Variants in ITPR2 observed in about 807,000 individuals in gnomAD.
ITPR2 encodes inositol 1,4,5-trisphosphate receptor type 2.
ITPR2 carries 207 observed loss-of-function variants against 317.1 expected under a neutral mutation model. The observed-to-expected ratio is 0.65, with a 90% CI of 0.58 to 0.73. The LOEUF (loss-of-function observed/expected upper bound fraction) is 0.73, where lower values mean the gene tolerates loss of function less well. Among genes scored for constraint, ITPR2 ranks in the 30% least tolerant of loss-of-function variants. ITPR2 has a pLI of 0.00. For synonymous variants in ITPR2, 1,156 were observed against 1,149.1 expected (o/e 1.01, Z -0.12); for missense variants, 2,613 against 3,284.0 (o/e 0.80, Z 4.99).
intron 45 of ITPR2, among the ~76,000 whole-genome samples, chr12:26,468,301 A>T (rs1942218720): frequency 6.6e-6 from 1 of 152,180 alleles, no homozygotes; most frequent in African/African-American, 2.4e-5. Flanking sequence ...GCAAGAAAGA[A>T]GATATTATAG....
At chr12:26,782,407 A>T (rs963940951) in intron 2 of ITPR2, among the ~76,000 whole-genome samples, 1 of 152,006 alleles carries the variant, frequency 6.6e-6, no homozygotes, top group African/African-American at 2.4e-5. Flanking sequence ...AAAAAAAAAA[A>T]GTAAGACTAG....
intron 51 of ITPR2, among the ~76,000 whole-genome samples, chr12:26,412,831 G>A (rs753104011): frequency 6.6e-6 from 1 of 152,140 alleles, no homozygotes; most frequent in Non-Finnish European, 1.5e-5. Flanking sequence ...ACCAGTCAGA[G>A]TGACCAGAGC....
intron 1 of ITPR2, among the ~76,000 whole-genome samples, chr12:26,790,721 A>G (rs1950328207): frequency 6.6e-6 from 1 of 151,916 alleles, no homozygotes; most frequent in Admixed American, 6.6e-5. Context: ...CCCGGTGTGT[A>G]TGTATGTTTT....
At chr12:26,780,900 T>C (rs1017875706) in intron 2 of ITPR2, among the ~76,000 whole-genome samples, 14 of 152,180 alleles carry the variant, frequency 9.2e-5, no homozygotes, top group African/African-American at 3.1e-4. Flanking sequence ...GAAGTTAAGA[T>C]TGCCACCTGG....
chr12:26,386,347 A>G (rs1380372159), intron 55 of ITPR2, among the ~76,000 whole-genome samples: 1 of 152,246 alleles, frequency 6.6e-6, no homozygotes, highest in Non-Finnish European at 1.5e-5. Context: ...GCAAGTCATT[A>G]ATAACAAAGC....
chr12:26,671,444 A>T (rs1290266277), intron 13 of ITPR2, among the ~76,000 whole-genome samples: 1 of 152,138 alleles, frequency 6.6e-6, no homozygotes, highest in Non-Finnish European at 1.5e-5. Flanking sequence ...ATATCCAGCC[A>T]AACTAAGCTT....
chr12:26,624,438 G>C, intron 23 of ITPR2, 82 bp from the exon 24 acceptor site: 1 of 975,334 alleles, frequency 1.0e-6, no homozygotes, highest in Non-Finnish European at 1.6e-6. Context: ...CAATTGATGT[G>C]AAAATATTTT....
intron 4 of ITPR2, among the ~76,000 whole-genome samples, chr12:26,723,503 A>C (rs1386125990): frequency 6.6e-6 from 1 of 152,152 alleles, no homozygotes; most frequent in Non-Finnish European, 1.5e-5. Flanking sequence ...AAACTTGGTT[A>C]AGAGAAACTC....
intron 11 of ITPR2, 54 bp downstream of exon 11, chr12:26,686,427 C>A: frequency 1.7e-6 from 2 of 1,166,792 alleles, no homozygotes; most frequent in South Asian, 1.8e-5. Flanking sequence ...TTTCATTCCT[C>A]ACCTACTGGT....
chr12:26,369,354 T>C (rs899167149), intron 55 of ITPR2, among the ~76,000 whole-genome samples: 1 of 152,204 alleles, frequency 6.6e-6, no homozygotes, highest in Admixed American at 6.5e-5. Flanking sequence ...AAAGACCAGT[T>C]TAGTGGCACC....
At chr12:26,772,597 T>G (rs930510603) in intron 2 of ITPR2, among the ~76,000 whole-genome samples, 4 of 145,800 alleles carry the variant, frequency 2.7e-5, no homozygotes, top group African/African-American at 1.0e-4. Flanking sequence ...CTTCATTAGA[T>G]TATAAATTCC....
chr12:26,772,731 CTTT>C (rs919205690), intron 2 of ITPR2, among the ~76,000 whole-genome samples: 86 of 149,724 alleles, frequency 5.7e-4, no homozygotes, highest in Middle Eastern at 3.2e-3. Context: ...TATCCAATAT[CTTT>C]TTTTTTCTTT....
Position 26,665,963 on chromosome 12 carries a change from TA to T in ITPR2, c.1497del (p.Lys500SerfsTer9). The T allele has an allele frequency of 6.2e-7, 1 of 1,613,994 alleles. No homozygotes were observed. The highest frequency in any genetic ancestry group is 1.3e-5 in the African/African-American group (1 of 75,042). ...NGQEVLDVVI[T>X]KPNRERQKLM... The stretch of plus-strand genomic sequence containing the variant: ...AATTTTTGACGCTCTCGGTTTGGCT[TA>T]GTGATAACCACATCCAGAACTTCTT... On this transcript the variant is annotated frameshift_variant, in exon 14 of 57. Coordinates refer to ENST00000381340, the MANE Select transcript of ITPR2 (RefSeq NM_002223.4). LOFTEE classifies it high-confidence loss of function.
At chr12:26,795,068 A>G (rs1950408149) in intron 1 of ITPR2, among the ~76,000 whole-genome samples, 1 of 152,244 alleles carries the variant, frequency 6.6e-6, no homozygotes, top group Non-Finnish European at 1.5e-5. Context: ...AGTATCTAAA[A>G]TTAGAAAGCA....
intron 9 of ITPR2, among the ~76,000 whole-genome samples, chr12:26,710,455 C>A (rs1948626215): frequency 6.6e-6 from 1 of 152,200 alleles, no homozygotes; most frequent in East Asian, 1.9e-4. Flanking sequence ...CATCCTCTAT[C>A]CATTCACAAA....
intron 37 of ITPR2, among the ~76,000 whole-genome samples, chr12:26,526,509 G>A (rs533930055): frequency 6.6e-6 from 1 of 152,132 alleles, no homozygotes; most frequent in African/African-American, 2.4e-5. Flanking sequence ...GTGTTGTGCA[G>A]GGTCCTACTA....
chr12:26,709,615 T>C (rs1948611174), intron 9 of ITPR2, among the ~76,000 whole-genome samples: 1 of 152,218 alleles, frequency 6.6e-6, no homozygotes, highest in African/African-American at 2.4e-5. Context: ...AGAAAACTAG[T>C]AATATACATG....
Position 26,578,841 on chromosome 12 carries a change from C to T in ITPR2, c.4510-8G>A. On this transcript the variant is annotated splice_polypyrimidine_tract_variant and splice_region_variant and intron_variant, in intron 33 of 56. Transcript: ENST00000381340. ...AAAAACTGGCTGATGTGTCTAAAAC[C>T]AGAAAGAAGGTAGGCAAAAAGAGAT... 2 of 1,598,078 alleles carry T rather than the reference C, an allele frequency of 1.3e-6. No homozygotes were observed. Among genetic ancestry groups the T allele is most frequent in the South Asian group, 2.2e-5 (2 of 89,274 alleles).
chr12:26,494,316 T>C lies in ITPR2; in HGVS notation c.5207A>G (p.Asp1736Gly). 1 of 1,608,880 alleles carries C rather than the reference T, an allele frequency of 6.2e-7. No homozygotes were observed. Among genetic ancestry groups the C allele is most frequent in the Non-Finnish European group, 8.5e-7 (1 of 1,178,306 alleles). Reference protein sequence around the residue: ...VGGSFSGQDSDKMGISMSDIQ... With the variant: ...VGGSFSGQDSGKMGISMSDIQ... ...GTCTGACATTGATATCCCCATCTTA[T>C]CTGAATCTTGTCCAGAAAAGCTTCC... is the stretch of plus-strand genomic sequence containing the variant. Residue 1736 changes from aspartate (D) to glycine (G), a missense_variant, in exon 39 of 57, where the codon GAT becomes GGT. Coordinates refer to ENST00000381340, the MANE Select transcript of ITPR2 (RefSeq NM_002223.4).
Sources: gnomAD v4.1 joint callset for allele counts (sites outside exome capture counted in the v4.1 genomes callset) on GRCh38, gnomAD v4.1.1 for gene constraint, MANE v1.5 for transcripts, NCBI Gene and HGNC (gene_info 2026-07-23, HGNC 2026-07-21) for gene names.